The following TCF3 variants were observed in gnomAD, a reference collection of about 807,000 sequenced individuals.
TCF3 encodes the protein transcription factor 3.
In TCF3, 54 loss-of-function variants were observed where a neutral mutation model predicts 72.3. The observed-to-expected ratio is 0.75, with a 90% CI of 0.60 to 0.94. TCF3 has a LOEUF of 0.94. TCF3 is among the 40% of genes least tolerant of loss of function. TCF3 has a pLI of 0.00. For synonymous variants in TCF3, 525 were observed against 412.6 expected, an observed-to-expected ratio of 1.27 and a Z score of -3.30; for missense variants, 1,078 against 934.4, an observed-to-expected ratio of 1.15 and a Z score of -2.00.
chr19:1,631,856 T>C, intron 5 of TCF3, 182 bp downstream of exon 5: 1 of 1,474,858 alleles, frequency 6.8e-7, no homozygotes, highest in Non-Finnish European at 9.1e-7. Flanking sequence ...TGCCAGGGAG[T>C]CCGGGCCACG....
intron 18 of TCF3, 98 bp from the exon 19 acceptor site, chr19:1,611,947 G>A (rs1269888029): frequency 4.7e-5 from 21 of 449,528 alleles, no homozygotes; most frequent in African/African-American, 4.0e-4. Flanking sequence ...GGGGGTGGGG[G>A]CAGAGCCCCA....
chr19:1,631,893 C>T, intron 5 of TCF3, 145 bp downstream of exon 5: 1 of 1,528,138 alleles, frequency 6.5e-7, no homozygotes, highest in Non-Finnish European at 8.8e-7. Flanking sequence ...GCAGCTGCTC[C>T]CAGGACGGGC....
At chr19:1,638,239 A>C (rs879696451) in intron 3 of TCF3, among the ~76,000 whole-genome samples, 3 of 152,254 alleles carry the variant, frequency 2.0e-5, no homozygotes, top group Non-Finnish European at 4.4e-5. Context: ...AGATAAGGAA[A>C]CTGACGCAAA....
chr19:1,621,609 C>T (rs950404983), intron 11 of TCF3, among the ~76,000 whole-genome samples: 6 of 151,494 alleles, frequency 4.0e-5, no homozygotes, highest in Non-Finnish European at 8.8e-5. Context: ...GCCTCTTTCC[C>T]AGCTGTAAGG....
intron 7 of TCF3, 102 bp downstream of exon 7, chr19:1,625,474 G>A (rs2062772295): frequency 2.2e-6 from 3 of 1,364,094 alleles, no homozygotes; most frequent in South Asian, 1.7e-5. Flanking sequence ...GGAAGGTGCG[G>A]GGTCTGCTCC....
rs758731784 is a variant in TCF3, at chr19:1,622,338, G to C, written c.627C>G (p.Thr209=). 1 of 1,534,882 alleles carries C rather than the reference G, an allele frequency of 6.5e-7. No individual in the cohort carries two copies. The highest frequency in any genetic ancestry group is 8.8e-7 in the Non-Finnish European group (1 of 1,140,728). ...CTGCCACGTAGAAGGGGGCGGGATA[G>C]GTGCTGCTGGGGGTCTTGGCGGACG... ...AYPSAKTPSS[T]YPAPFYVADG... The change falls in exon 9 of 19, where the codon ACC becomes ACG. Residue 209 remains threonine (T), a synonymous_variant. Transcript: ENST00000262965.
rs1374721475 is a variant in TCF3 at position 1,614,689 on chromosome 19, C to T, written c.1822+596G>A. Among the ~76,000 whole-genome samples the T allele has an allele frequency of 2.0e-5, 3 of 152,048 alleles. No individual in the cohort carries two copies. Among genetic ancestry groups the T allele is most frequent in the South Asian group, 2.1e-4 (1 of 4,820 alleles). On this transcript the variant is annotated intron_variant, in intron 18 of 18. Coordinates refer to ENST00000262965, the MANE Select transcript of TCF3 (RefSeq NM_003200.5). The surrounding 1 kb of genome is among the most constrained non-coding windows in gnomAD (Gnocchi z 5.6). Reference sequence around the variant, plus strand: ...TTAAGGAAGCAGCCGCCAGCGCCAGCGGGGGGAAGGAGTCAGCTCACATCT... The same window carrying T: ...TTAAGGAAGCAGCCGCCAGCGCCAGTGGGGGGAAGGAGTCAGCTCACATCT...
In TCF3 at chr19:1,622,344, G is replaced by A; in HGVS notation, c.621C>T (p.Ser207=). 6.5e-7 allele frequency: 1 copy of A among 1,535,342 alleles called. No homozygotes were observed. The highest frequency in any genetic ancestry group is 8.8e-7 in the Non-Finnish European group (1 of 1,141,200). The change falls in exon 9 of 19, where the codon AGC becomes AGT. Residue 207 remains serine (S), a synonymous_variant. Transcript: ENST00000262965. ...ATAYPSAKTP[S]STYPAPFYVA... is the part of the protein sequence containing the mutation. ...CGTAGAAGGGGGCGGGATAGGTGCTGCTGGGGGTCTTGGCGGACGGGTAGG... is the reference window on the plus strand; with the variant it reads ...CGTAGAAGGGGGCGGGATAGGTGCTACTGGGGGTCTTGGCGGACGGGTAGG...
rs1011031496 is a variant in TCF3 at position 1,612,118 on chromosome 19, G to C, written c.1823-269C>G. 4 of 1,340,594 alleles carry C rather than the reference G, an allele frequency of 3.0e-6. No homozygotes were observed. The African/African-American group carries it at 5.9e-5, about 20-fold the overall frequency. The allele number at this position is 1,340,594 out of a possible 1,614,324, so 83.0% of individuals were successfully genotyped here. ...CAAAGACAGACATGGACAGAGTCCG[G>C]GGGCGGCAAGCACAGGAGGACCCCA... On this transcript the variant is annotated intron_variant, in intron 18 of 18. Coordinates refer to ENST00000262965, the MANE Select transcript of TCF3 (RefSeq NM_003200.5).
chr19:1,619,621 A>G (rs1265664604), intron 14 of TCF3, 147 bp from the exon 15 acceptor site: 5 of 1,323,572 alleles, frequency 3.8e-6, no homozygotes, highest in Admixed American at 2.5e-5. Context: ...GGCGCCCGGG[A>G]GCACACACAA....
chr19:1,624,008 A>G lies in TCF3; in HGVS notation c.500-8T>C, dbSNP rs55677929. ...CCTTCTTGGGCTGCGTGTCTGTTAGAAGCAAAAGGGGTGAGAACCGGCCAC... is the reference window on the plus strand; with the variant it reads ...CCTTCTTGGGCTGCGTGTCTGTTAGGAGCAAAAGGGGTGAGAACCGGCCAC... On this transcript the variant is annotated splice_region_variant and splice_polypyrimidine_tract_variant and intron_variant, in intron 7 of 18. Coordinates refer to ENST00000262965, the MANE Select transcript of TCF3 (RefSeq NM_003200.5). The G allele has an allele frequency of 0.24, 393,384 of 1,612,132 alleles. 53,848 individuals are homozygous for G. The highest frequency in any genetic ancestry group is 0.69 in the East Asian group (30,964 of 44,800).
intron 3 of TCF3, among the ~76,000 whole-genome samples, chr19:1,640,019 G>A (rs1241280950): frequency 6.6e-6 from 1 of 152,134 alleles, no homozygotes; most frequent in East Asian, 1.9e-4. Context: ...AAAAATCAAC[G>A]AGAGAGAGAA....
chr19:1,618,152 C>T (rs779806260), intron 16 of TCF3, among the ~76,000 whole-genome samples: 4 of 152,126 alleles, frequency 2.6e-5, no homozygotes, highest in African/African-American at 9.7e-5. Context: ...CCCTTCCTTA[C>T]GGAGTTCCCA....
At chr19:1,632,288 G>C in intron 4 of TCF3, 44 bp downstream of exon 4, 1 of 1,558,880 alleles carries the variant, frequency 6.4e-7, no homozygotes, top group East Asian at 2.4e-5. Context: ...CCCCAACTCT[G>C]GGGACAGGAA....
In TCF3 at chr19:1,611,663, C is replaced by A. The variant is rs747854184; in HGVS notation, c.*44G>T. On this transcript the variant is annotated 3_prime_UTR_variant, in exon 19 of 19. Transcript: ENST00000262965. ...TCGAGTGGCCGTTCTGGGGCCAGAG[C>A]ACAGGGCTGAAAGCGGGTGGCTCGT... 1 of 1,589,950 alleles carries A rather than the reference C, an allele frequency of 6.3e-7. No individual in the cohort carries two copies. Among genetic ancestry groups the A allele is most frequent in the African/African-American group, 1.3e-5 (1 of 74,470 alleles).
intron 8 of TCF3, among the ~76,000 whole-genome samples, chr19:1,622,635 C>T (rs2062388536): frequency 6.6e-6 from 1 of 152,154 alleles, no homozygotes; most frequent in Non-Finnish European, 1.5e-5. Flanking sequence ...CAGCCCCCAC[C>T]TCCCGCCTCC....
At chr19:1,624,619 C>T (rs144710512) in intron 7 of TCF3, among the ~76,000 whole-genome samples, 6 of 152,206 alleles carry the variant, frequency 3.9e-5, no homozygotes, top group African/African-American at 1.4e-4. Context: ...CCACTAGGGG[C>T]TGCTGTTTGC....
chr19:1,619,304 C>T lies in TCF3; in HGVS notation c.1326+12G>A, dbSNP rs771650255. 3.2e-6 allele frequency: 5 copies of T among 1,569,362 alleles called. No individual in the cohort carries two copies. The highest frequency in any genetic ancestry group is 4.3e-6 in the Non-Finnish European group (5 of 1,163,688). Reference sequence around the variant, plus strand: ...CGCCCACTGCCCAGCTCCACCCTCGCCCAGCGCTCACCAGGCCTGCGTGCC... The same window carrying T: ...CGCCCACTGCCCAGCTCCACCCTCGTCCAGCGCTCACCAGGCCTGCGTGCC... On this transcript the variant is annotated intron_variant, in intron 15 of 18. Transcript: ENST00000262965.
In TCF3 at chr19:1,622,037, C is replaced by CCTGCCCT; in HGVS notation, c.822+10_822+16dup. The CCTGCCCT allele has an allele frequency of 6.3e-7, 1 of 1,598,702 alleles. No individual in the cohort carries two copies. Among genetic ancestry groups the CCTGCCCT allele is most frequent in the Non-Finnish European group, 8.5e-7 (1 of 1,174,124 alleles). On this transcript the variant is annotated intron_variant, in intron 10 of 18. Transcript: ENST00000262965. ...GCCACCCTCCGCCCACCCCCTGCCCCCTGCCCTGGGTCCTACCATACGCTC... is the reference window on the plus strand; with the variant it reads ...GCCACCCTCCGCCCACCCCCTGCCCCCTGCCCTCTGCCCTGGGTCCTACCATACGCTC...
Sources: gnomAD v4.1 joint callset for allele counts (sites outside exome capture counted in the v4.1 genomes callset) on GRCh38, gnomAD v4.1.1 for gene constraint, Gnocchi (gnomAD v3.1) non-coding constraint, MANE v1.5 for transcripts, NCBI Gene and HGNC (gene_info 2026-07-23, HGNC 2026-07-21) for gene names.